C1QTNF8: variants seen among roughly 807,000 people sequenced by gnomAD.
C1QTNF8 encodes complement C1q tumor necrosis factor-related protein 8.
Under a neutral mutation model 19.2 loss-of-function variants are expected in C1QTNF8, and 27 were observed. That is an observed-to-expected ratio of 1.41 (90% CI 1.04 to 1.94). The LOEUF (loss-of-function observed/expected upper bound fraction) is 1.94. C1QTNF8 is among the 30% of genes most tolerant of loss of function. The probability of loss-of-function intolerance (pLI) is 0.00; values close to 1 mark genes in which losing one functional copy is unlikely to be tolerated. For missense variants in C1QTNF8, 484 were observed against 374.4 expected (o/e 1.29, Z -2.42); for synonymous variants, 208 against 172.8 (o/e 1.20, Z -1.60).
In C1QTNF8 at chr16:1,093,564, G is replaced by A. The variant is rs778100376; in HGVS notation, c.696C>T (p.Gly232=). ...AGGTGATGTAGAGGTCTCCGTGCTC[G>A]CCGTAGATGGCGTTGTCCCGGTCGC... ...FQRDRDNAIY[G]EHGDLYITFS... Residue 232 remains glycine, a synonymous_variant, in exon 4 of 5, where the codon GGC becomes GGT. Coordinates refer to ENST00000328449, the MANE Select transcript of C1QTNF8 (RefSeq NM_207419.3). 5 of 1,591,580 alleles carry A rather than the reference G, an allele frequency of 3.1e-6. No individual in the cohort carries two copies. Among genetic ancestry groups the A allele is most frequent in the African/African-American group, 2.7e-5 (2 of 74,386 alleles).
chr16:1,090,121 G>A lies in C1QTNF8; in HGVS notation c.*478C>T, dbSNP rs966075747. ...ACCGGCCCCAGCCCCTCCTGTCCTT[G>A]GTTGTCACCACACTTCCAGAAGCCC... On this transcript the variant is annotated 3_prime_UTR_variant, in exon 5 of 5. Coordinates refer to ENST00000328449, the MANE Select transcript of C1QTNF8 (RefSeq NM_207419.3). The A allele has an allele frequency of 6.6e-6, 1 of 152,472 alleles. No individual in the cohort carries two copies. The highest frequency in any genetic ancestry group is 1.5e-5 in the Non-Finnish European group (1 of 68,246). The allele number at this position is 152,472 out of a possible 1,614,324, so 9.4% of individuals were successfully genotyped here. A position where few individuals can be genotyped will look rare whatever the true frequency, so the allele number is the denominator to read the frequency against.
intron 3 of C1QTNF8, among the ~76,000 whole-genome samples, chr16:1,094,389 C>T (rs905871618): frequency 1.3e-5 from 2 of 152,138 alleles, no homozygotes; most frequent in Non-Finnish European, 2.9e-5. Flanking sequence ...TTCGGGACAG[C>T]GCAGCCGTGT....
rs1960476888 is a variant in C1QTNF8, at chr16:1,088,339, G to A, written c.*2260C>T. 6.6e-6 allele frequency among the ~76,000 whole-genome samples: 1 copy of A among 152,240 alleles called. No individual in the cohort carries two copies. Among genetic ancestry groups the A allele is most frequent in the Non-Finnish European group, 1.5e-5 (1 of 68,042 alleles). ...GAATGTCACAGGGATGTCCCCGCGG[G>A]AAGCCGCGTTCCCCAGTCCCTTCCT... On this transcript the variant is annotated 3_prime_UTR_variant, in exon 5 of 5. Coordinates refer to ENST00000328449, the MANE Select transcript of C1QTNF8 (RefSeq NM_207419.3).
In C1QTNF8 at chr16:1,093,982, C is replaced by T. The variant is rs760167932; in HGVS notation, c.278G>A (p.Arg93Gln). The T allele has an allele frequency of 4.1e-6, 6 of 1,467,080 alleles. No homozygotes were observed. The highest frequency in any genetic ancestry group is 5.3e-6 in the Non-Finnish European group (6 of 1,124,862). 90.9% of individuals were successfully genotyped at this position (1,467,080 alleles called of 1,614,324 possible). A position where few individuals can be genotyped will look rare whatever the true frequency, so the allele number is the denominator to read the frequency against. Residue 93 changes from arginine (R) to glutamine (Q), a missense_variant, in exon 4 of 5, where the codon CGG (arginine) becomes CAG (glutamine). Transcript: ENST00000328449. ...RSGKEGPPGA[R>Q]GLQGRRGQKG... ...CTGGCCTCTGCGGCCCTGCAGGCCC[C>T]GGGCGCCTGGCGGCCCCTCTTTCCC...
At position 1,093,532 on chromosome 16, in the gene C1QTNF8, C is replaced by T. The variant is rs1332353332; in HGVS notation, c.728G>A (p.Gly243Asp). ...CTCGGCGGCCGGCTTGACCAGGTGG[C>T]CGCTGAAGGTGATGTAGAGGTCTCC... ...EHGDLYITFS[G>D]HLVKPAAEL The change falls in exon 4 of 5, where the codon GGC (glycine) becomes GAC (aspartate). Residue 243 changes from glycine to aspartate, a missense_variant. Physicochemically the swap from Gly to Asp is moderately conservative, Grantham distance 94. Transcript: ENST00000328449. 1.5e-5 allele frequency: 24 copies of T among 1,556,938 alleles called. No homozygotes were observed. Among genetic ancestry groups the T allele is most frequent in the African/African-American group, 2.7e-5 (2 of 73,156 alleles).
chr16:1,089,306 C>A lies in C1QTNF8; in HGVS notation c.*1293G>T, dbSNP rs1960495555. Among the ~76,000 whole-genome samples the A allele has an allele frequency of 6.6e-6, 1 of 152,100 alleles. No individual in the cohort carries two copies. Among genetic ancestry groups the A allele is most frequent in the African/African-American group, 2.4e-5 (1 of 41,422 alleles). On this transcript the variant is annotated 3_prime_UTR_variant, in exon 5 of 5. Transcript: ENST00000328449. ...CACCCCCAGCAGCCCATACCCCCCA[C>A]CTCTGGTTCTTCAAGCACCTGCCAC... is the stretch of plus-strand genomic sequence containing the variant.
At position 1,093,728 on chromosome 16, in the gene C1QTNF8, T is replaced by C. The variant is rs1412444655; in HGVS notation, c.532A>G (p.Thr178Ala). 1.2e-6 allele frequency: 2 copies of C among 1,611,910 alleles called. No individual in the cohort carries two copies. Among genetic ancestry groups the C allele is most frequent in the Admixed American group, 1.7e-5 (1 of 59,980 alleles). ...CGGTTCAGCATGATGTGCAGGTAGG[T>C]CTCCTTGTAGTTCCAGGTGTGCACG... ...LNVHTWNYKE[T>A]YLHIMLNRRP... is the part of the protein sequence containing the mutation. The change falls in exon 4 of 5, where the codon ACC becomes GCC. Residue 178 changes from threonine to alanine, a missense_variant. Coordinates refer to ENST00000328449, the MANE Select transcript of C1QTNF8 (RefSeq NM_207419.3).
chr16:1,093,797 G>A lies in C1QTNF8; in HGVS notation c.463C>T (p.Arg155Cys), dbSNP rs1395867347. 18 of 1,611,442 alleles carry A rather than the reference G, an allele frequency of 1.1e-5. No homozygotes were observed. The highest frequency in any genetic ancestry group is 5.5e-5 in the South Asian group (5 of 91,080). Residue 155 changes from arginine (R) to cysteine (C), a missense_variant, in exon 4 of 5, where the codon CGC becomes TGC. Arg to Cys is a radical substitution (Grantham distance 180). Coordinates refer to ENST00000328449, the MANE Select transcript of C1QTNF8 (RefSeq NM_207419.3). The stretch of plus-strand genomic sequence containing the variant: ...ACGCCGGGCACCGTGCAGAGGAAGC[G>A]GCCCGCGGCCAGGTCGAAGGCGCCG... ...LDGAFDLAAG[R>C]FLCTVPGVYF... is the part of the protein sequence containing the mutation.
chr16:1,094,317 G>A (rs1052981900), intron 3 of C1QTNF8, among the ~76,000 whole-genome samples: 9 of 152,180 alleles, frequency 5.9e-5, no homozygotes, highest in Non-Finnish European at 1.2e-4. Context: ...TACGGTCTGC[G>A]TTGGGTGTTA....
At position 1,093,834 on chromosome 16, in the gene C1QTNF8, C is replaced by T; in HGVS notation, c.426G>A (p.Leu142=). ...HFQAVPFDTE[L]VNLDGAFDLA... ...GGTCGAAGGCGCCGTCCAGGTTCAC[C>T]AGCTCCGTGTCGAAGGGCACCGCCT... Residue 142 remains leucine, a synonymous_variant, in exon 4 of 5, where the codon CTG becomes CTA. Coordinates refer to ENST00000328449, the MANE Select transcript of C1QTNF8 (RefSeq NM_207419.3). The T allele has an allele frequency of 6.2e-7, 1 of 1,608,262 alleles. No homozygotes were observed. The highest frequency in any genetic ancestry group is 2.2e-5 in the East Asian group (1 of 44,840).
At position 1,088,456 on chromosome 16, in the gene C1QTNF8, T is replaced by C. The variant is rs541753005; in HGVS notation, c.*2143A>G. Among the ~76,000 whole-genome samples the C allele has an allele frequency of 7.0e-4, 106 of 152,300 alleles. 1 individual carries two copies. Among genetic ancestry groups the C allele is most frequent in the Non-Finnish European group, 1.4e-3 (92 of 68,018 alleles). On this transcript the variant is annotated 3_prime_UTR_variant, in exon 5 of 5. Transcript: ENST00000328449. ...GGGTGGCTCCCCCTTGTCTCCTAAGTGGCCAGGGCAGCACGAGGCTGTCGC... is the reference window on the plus strand; with the variant it reads ...GGGTGGCTCCCCCTTGTCTCCTAAGCGGCCAGGGCAGCACGAGGCTGTCGC...
Position 1,088,423 on chromosome 16 carries a change from T to C in C1QTNF8, c.*2176A>G, listed in dbSNP as rs1960478953. ...CCGACCACGGGGGTGCCCGGTGCGG[T>C]TCTGATGGGGTGGCTCCCCCTTGTC... On this transcript the variant is annotated 3_prime_UTR_variant, in exon 5 of 5. Coordinates refer to ENST00000328449, the MANE Select transcript of C1QTNF8 (RefSeq NM_207419.3). Among the ~76,000 whole-genome samples, 1 of 152,196 alleles carries C rather than the reference T, an allele frequency of 6.6e-6. No individual in the cohort carries two copies. Among genetic ancestry groups the C allele is most frequent in the Non-Finnish European group, 1.5e-5 (1 of 68,026 alleles).
In C1QTNF8 at chr16:1,089,167, G is replaced by A. The variant is rs1054535045; in HGVS notation, c.*1432C>T. Among the ~76,000 whole-genome samples the A allele has an allele frequency of 6.6e-6, 1 of 152,156 alleles. No individual in the cohort carries two copies. Among genetic ancestry groups the A allele is most frequent in the Non-Finnish European group, 1.5e-5 (1 of 67,998 alleles). ...CCCCAGCACAGAACAGGCAGCCTGCGAGAGGAGATGTCCTCCCTGGCCCTG... is the reference window on the plus strand; with the variant it reads ...CCCCAGCACAGAACAGGCAGCCTGCAAGAGGAGATGTCCTCCCTGGCCCTG... On this transcript the variant is annotated 3_prime_UTR_variant, in exon 5 of 5. Coordinates refer to ENST00000328449, the MANE Select transcript of C1QTNF8 (RefSeq NM_207419.3).
rs570031235 is a variant in C1QTNF8 at position 1,093,744 on chromosome 16, G to C, written c.516C>G (p.Thr172=). The change falls in exon 4 of 5, where the codon ACC becomes ACG. Residue 172 remains threonine (T), a synonymous_variant. Coordinates refer to ENST00000328449, the MANE Select transcript of C1QTNF8 (RefSeq NM_207419.3). ...GVYFLSLNVH[T]WNYKETYLHI... The stretch of plus-strand genomic sequence containing the variant: ...GCAGGTAGGTCTCCTTGTAGTTCCA[G>C]GTGTGCACGTTGAGGCTGAGGAAGT... 1 of 1,612,296 alleles carries C rather than the reference G, an allele frequency of 6.2e-7. No individual in the cohort carries two copies. Among genetic ancestry groups the C allele is most frequent in the African/African-American group, 1.3e-5 (1 of 75,028 alleles).
rs2151566601 is a variant in C1QTNF8, at chr16:1,093,588, G to T, written c.672C>A (p.Arg224=). The change falls in exon 4 of 5, where the codon CGC becomes CGA. Residue 224 remains arginine (R), a synonymous_variant. Coordinates refer to ENST00000328449, the MANE Select transcript of C1QTNF8 (RefSeq NM_207419.3). ...GDAVWVRMFQ[R]DRDNAIYGEH... The stretch of plus-strand genomic sequence containing the variant: ...CGCCGTAGATGGCGTTGTCCCGGTC[G>T]CGCTGGAACATGCGCACCCAGACGG... The T allele has an allele frequency of 1.2e-6, 2 of 1,600,654 alleles. No homozygotes were observed. Among genetic ancestry groups the T allele is most frequent in the Non-Finnish European group, 1.7e-6 (2 of 1,173,740 alleles).
In C1QTNF8 at chr16:1,093,488, GC is replaced by G. The variant is rs1199391760; in HGVS notation, c.*4+8del. On this transcript the variant is annotated splice_region_variant and intron_variant, in intron 4 of 4. Transcript: ENST00000328449. ...CGCGCGCCCGGTGCTCAGCCGCGGG[GC>G]CCCTCACCCGGCTACAGCTCGGCGG... The G allele has an allele frequency of 1.4e-5, 21 of 1,497,266 alleles. No individual in the cohort carries two copies. Among genetic ancestry groups the G allele is most frequent in the Non-Finnish European group, 1.5e-5 (17 of 1,124,372 alleles). The allele number at this position is 1,497,266 out of a possible 1,614,324, so 92.7% of individuals were successfully genotyped here.
rs1960499982 is a variant in C1QTNF8, at chr16:1,089,518, G to C, written c.*1081C>G. ...CAGAGGCCTTTGCGCACCCCCTGCT[G>C]CACGGGAAGCTGAGGCGACAGGCAG... is the stretch of plus-strand genomic sequence containing the variant. On this transcript the variant is annotated 3_prime_UTR_variant, in exon 5 of 5. Transcript: ENST00000328449. Among the ~76,000 whole-genome samples the C allele has an allele frequency of 6.6e-6, 1 of 152,228 alleles. No homozygotes were observed. The highest frequency in any genetic ancestry group is 2.4e-5 in the African/African-American group (1 of 41,466).
chr16:1,094,086 C>T (rs775109133), intron 3 of C1QTNF8, 35 bp from the exon 4 acceptor site: 5 of 1,392,040 alleles, frequency 3.6e-6, no homozygotes, highest in Admixed American at 6.8e-5. Flanking sequence ...GGGTCGGGGC[C>T]GGGCTGGGCA....
At chr16:1,094,973 G>T in intron 2 of C1QTNF8, 40 bp from the exon 3 acceptor site, 2 of 933,026 alleles carry the variant, frequency 2.1e-6, no homozygotes, top group Non-Finnish European at 2.9e-6. Flanking sequence ...AGAAGGAGGT[G>T]CCCCAGCTGG....
Sources: gnomAD v4.1 joint callset for allele counts (sites outside exome capture counted in the v4.1 genomes callset) on GRCh38, gnomAD v4.1.1 for gene constraint, MANE v1.5 for transcripts, NCBI Gene and HGNC (gene_info 2026-07-23, HGNC 2026-07-21) for gene names.